EIF4EBP1: variants seen among roughly 807,000 people sequenced by gnomAD.
The protein encoded by EIF4EBP1 is eukaryotic translation initiation factor 4E binding protein 1, also known as eukaryotic translation initiation factor 4E-binding protein 1.
EIF4EBP1 carries 5 observed loss-of-function variants against 9.2 expected under a neutral mutation model. That is an observed-to-expected ratio of 0.54 (90% CI 0.28 to 1.14). EIF4EBP1 has a LOEUF of 1.14. Among genes scored for constraint, EIF4EBP1 ranks in the 50% most tolerant of loss-of-function variants. EIF4EBP1 has a pLI of 0.09. For synonymous variants in EIF4EBP1, 62 were observed against 67.0 expected, an observed-to-expected ratio of 0.93 and a Z score of 0.36; for missense variants, 139 against 169.6, an observed-to-expected ratio of 0.82 and a Z score of 1.00.
chr8:38,033,480 C>CAA (rs763420653), intron 1 of EIF4EBP1, among the ~76,000 whole-genome samples: 2 of 133,240 alleles, frequency 1.5e-5, no homozygotes, highest in Non-Finnish European at 3.3e-5. Context: ...TGGAGTCTAG[C>CAA]AAAAAAAAAA....
intron 1 of EIF4EBP1, among the ~76,000 whole-genome samples, chr8:38,044,846 GT>G (rs1421211944): frequency 7.9e-5 from 12 of 152,186 alleles, no homozygotes; most frequent in Admixed American, 7.9e-4. Context: ...CTTCTGCAAG[GT>G]GAAGCTCCTG....
intron 1 of EIF4EBP1, among the ~76,000 whole-genome samples, chr8:38,052,505 G>A (rs1027629106): frequency 4.6e-5 from 7 of 152,034 alleles, no homozygotes; most frequent in Non-Finnish European, 1.0e-4. Context: ...GAGGCAGGCG[G>A]ATCACCTGAG....
At chr8:38,033,832 C>T (rs1352003578) in intron 1 of EIF4EBP1, among the ~76,000 whole-genome samples, 1 of 150,672 alleles carries the variant, frequency 6.6e-6, no homozygotes, top group African/African-American at 2.4e-5. Context: ...CTGCAAGCTC[C>T]GCCTCCCGGG....
intron 1 of EIF4EBP1, among the ~76,000 whole-genome samples, chr8:38,045,291 A>G (rs1290039384): frequency 1.3e-5 from 2 of 152,140 alleles, no homozygotes; most frequent in African/African-American, 2.4e-5. Flanking sequence ...GCACTATGCT[A>G]TTTGTACATT....
chr8:38,041,901 A>AG (rs1809385523), intron 1 of EIF4EBP1, among the ~76,000 whole-genome samples: 2 of 151,990 alleles, frequency 1.3e-5, no homozygotes, highest in South Asian at 4.2e-4. Flanking sequence ...CTGAGGCAGG[A>AG]GGATCTCTGG....
chr8:38,045,910 T>G (rs752048613), intron 1 of EIF4EBP1, among the ~76,000 whole-genome samples: 4,995 of 151,868 alleles, frequency 0.033, 120 homozygotes, highest in Admixed American at 0.078. Context: ...GACTAATTTT[T>G]TTTTTGTTTG....
intron 1 of EIF4EBP1, among the ~76,000 whole-genome samples, chr8:38,042,047 A>T (rs1809388489): frequency 1.3e-5 from 2 of 151,694 alleles, no homozygotes; most frequent in South Asian, 4.2e-4. Flanking sequence ...ACCGCTAAGC[A>T]ATCTATTCCT....
At chr8:38,040,691 G>C (rs1809365720) in intron 1 of EIF4EBP1, among the ~76,000 whole-genome samples, 1 of 152,108 alleles carries the variant, frequency 6.6e-6, no homozygotes, top group African/African-American at 2.4e-5. Context: ...CTATCCTCTT[G>C]GTCTCCCAAC....
At chr8:38,035,513 C>T (rs910715979) in intron 1 of EIF4EBP1, among the ~76,000 whole-genome samples, 11 of 151,674 alleles carry the variant, frequency 7.3e-5, no homozygotes, top group Non-Finnish European at 1.5e-4. Context: ...CCACCACACC[C>T]GGCCTTATTA....
intron 1 of EIF4EBP1, among the ~76,000 whole-genome samples, chr8:38,043,195 C>T (rs1809406502): frequency 6.6e-6 from 1 of 152,094 alleles, no homozygotes; most frequent in South Asian, 2.1e-4. Flanking sequence ...GAAGGTCATT[C>T]CCTATTGGTA....
At chr8:38,030,741 C>T (rs754246125) in intron 1 of EIF4EBP1, 23 bp downstream of exon 1, 5 of 1,374,384 alleles carry the variant, frequency 3.6e-6, no homozygotes, top group East Asian at 6.1e-5. Flanking sequence ...TTGGCGACGC[C>T]GCTTGCCGGC....
chr8:38,051,761 T>A (rs1038412488), intron 1 of EIF4EBP1, among the ~76,000 whole-genome samples: 4 of 152,184 alleles, frequency 2.6e-5, no homozygotes, highest in Middle Eastern at 3.4e-3. Flanking sequence ...CATGCCCGGC[T>A]AATTTTTGTG....
chr8:38,039,147 C>G (rs1348370149), intron 1 of EIF4EBP1, among the ~76,000 whole-genome samples: 2 of 152,090 alleles, frequency 1.3e-5, no homozygotes, highest in African/African-American at 4.8e-5. Context: ...CCACCTCGTC[C>G]TCCCAAAGTG....
intron 1 of EIF4EBP1, among the ~76,000 whole-genome samples, chr8:38,050,070 C>T (rs747244750): frequency 6.6e-6 from 1 of 151,866 alleles, no homozygotes; most frequent in East Asian, 1.9e-4. Flanking sequence ...ACCACCACAC[C>T]CAGCTAATGT....
At chr8:38,038,870 A>G (rs962774500) in intron 1 of EIF4EBP1, among the ~76,000 whole-genome samples, 1 of 151,752 alleles carries the variant, frequency 6.6e-6, no homozygotes, top group Non-Finnish European at 1.5e-5. Flanking sequence ...AATGAGGCCC[A>G]ATACAAGTCC....
intron 1 of EIF4EBP1, among the ~76,000 whole-genome samples, chr8:38,042,595 A>G (rs1809396733): frequency 1.3e-5 from 2 of 152,184 alleles, no homozygotes; most frequent in African/African-American, 2.4e-5. Context: ...TTCTCCCTGT[A>G]TCTGCACATG....
intron 1 of EIF4EBP1, among the ~76,000 whole-genome samples, chr8:38,049,772 A>G (rs888010811): frequency 6.6e-6 from 1 of 151,566 alleles, no homozygotes; most frequent in Non-Finnish European, 1.5e-5. Flanking sequence ...GTGAGCCACC[A>G]CACCTGGCCT....
chr8:38,039,402 C>CTTTTTT (rs56390718), intron 1 of EIF4EBP1, among the ~76,000 whole-genome samples: 2 of 89,018 alleles, frequency 2.2e-5, no homozygotes, highest in Admixed American at 2.7e-4. Context: ...GTACTAAATA[C>CTTTTTT]TTTTTTTTTT....
chr8:38,041,187 C>T (rs138082539), intron 1 of EIF4EBP1, among the ~76,000 whole-genome samples: 1,725 of 152,186 alleles, frequency 0.011, 20 homozygotes, highest in Non-Finnish European at 0.016. Flanking sequence ...CTGCAACCTC[C>T]GCCTCCCAGG....
Sources: allele counts gnomAD v4.1 joint callset (sites outside exome capture counted in the v4.1 genomes callset), GRCh38; gene constraint gnomAD v4.1.1; transcripts MANE v1.5; gene names NCBI Gene and HGNC (gene_info 2026-07-23, HGNC 2026-07-21).